PLCH1: variants seen among roughly 807,000 people sequenced by gnomAD.
PLCH1 encodes phospholipase C eta 1.
A neutral mutation model predicts 126.7 loss-of-function variants in PLCH1; 60 were observed. The observed-to-expected ratio is 0.47, with a 90% CI of 0.38 to 0.59. PLCH1 has a LOEUF of 0.59. Among genes scored for constraint, PLCH1 ranks in the 20% least tolerant of loss-of-function variants. The pLI is 0.00. For synonymous variants in PLCH1, 719 were observed against 734.9 expected (o/e 0.98, Z 0.35); for missense variants, 1,723 against 2,040.0 (o/e 0.84, Z 2.99).
At chr3:155,726,237 C>A (rs1748308013) in intron 1 of PLCH1, among the ~76,000 whole-genome samples, 1 of 152,096 alleles carries the variant, frequency 6.6e-6, no homozygotes, top group East Asian at 1.9e-4. Flanking sequence ...TTTTCTTCTA[C>A]CTCAAGTGTT....
At chr3:155,499,586 T>C (rs1030689207) in intron 14 of PLCH1, among the ~76,000 whole-genome samples, 2 of 152,236 alleles carry the variant, frequency 1.3e-5, no homozygotes, top group African/African-American at 4.8e-5. Context: ...ATATCTATTA[T>C]GGGAAAATCT....
intron 15 of PLCH1, 32 bp from the exon 16 acceptor site, chr3:155,494,549 G>A (rs1289508583): frequency 1.3e-6 from 2 of 1,543,312 alleles, no homozygotes; most frequent in East Asian, 2.2e-5. Flanking sequence ...AAAAGGAAGT[G>A]AGAACTACAG....
intron 6 of PLCH1, among the ~76,000 whole-genome samples, chr3:155,582,209 A>G (rs1730808783): frequency 6.6e-6 from 1 of 150,974 alleles, no homozygotes; most frequent in South Asian, 2.1e-4. Context: ...CAGACTCCCA[A>G]GTAGCTGAGA....
At chr3:155,572,956 C>T (rs1448396294) in intron 6 of PLCH1, among the ~76,000 whole-genome samples, 2 of 151,714 alleles carry the variant, frequency 1.3e-5, no homozygotes, top group African/African-American at 4.8e-5. Context: ...CTATGTTGCC[C>T]AGGCTGGTCT....
intron 1 of PLCH1, among the ~76,000 whole-genome samples, chr3:155,711,816 G>A (rs745449768): frequency 2.0e-5 from 3 of 151,834 alleles, no homozygotes; most frequent in African/African-American, 4.8e-5. Context: ...TTGAACTCTT[G>A]GGGGAAAAAA....
intron 2 of PLCH1, among the ~76,000 whole-genome samples, chr3:155,622,125 G>C (rs963426441): frequency 6.6e-6 from 1 of 152,154 alleles, no homozygotes; most frequent in African/African-American, 2.4e-5. Context: ...CCTAAAAAAA[G>C]AATTTTCAAT....
At chr3:155,471,589 T>C (rs1713245779) in intron 21 of PLCH1, among the ~76,000 whole-genome samples, 1 of 147,160 alleles carries the variant, frequency 6.8e-6, no homozygotes, top group Admixed American at 6.9e-5. Flanking sequence ...AATAGACATC[T>C]ACAGAACTCT....
chr3:155,580,769 T>G (rs761388220), intron 6 of PLCH1, among the ~76,000 whole-genome samples: 3 of 152,132 alleles, frequency 2.0e-5, no homozygotes, highest in Non-Finnish European at 4.4e-5. Context: ...ATAATTGTAA[T>G]AAATTTTATT....
chr3:155,634,279 G>A (rs1738453212), intron 2 of PLCH1, among the ~76,000 whole-genome samples: 1 of 152,184 alleles, frequency 6.6e-6, no homozygotes, highest in Non-Finnish European at 1.5e-5. Flanking sequence ...GCAGCGTGTT[G>A]CTCTGTTACA....
At chr3:155,696,800 A>C (rs1046596923) in intron 2 of PLCH1, among the ~76,000 whole-genome samples, 1 of 152,246 alleles carries the variant, frequency 6.6e-6, no homozygotes, top group African/African-American at 2.4e-5. Context: ...AAAACAATCA[A>C]GGGCCTTTCT....
At chr3:155,512,999 C>G (rs1458587079) in intron 12 of PLCH1, among the ~76,000 whole-genome samples, 2 of 152,194 alleles carry the variant, frequency 1.3e-5, no homozygotes, top group Non-Finnish European at 2.9e-5. Context: ...GTTCTTCCAG[C>G]CTGAAGGCAA....
chr3:155,546,142 T>C (rs1725238787), intron 10 of PLCH1, among the ~76,000 whole-genome samples: 1 of 152,162 alleles, frequency 6.6e-6, no homozygotes, highest in Admixed American at 6.5e-5. Context: ...GAAAACCCCA[T>C]TGTCTCAGCC....
intron 2 of PLCH1, among the ~76,000 whole-genome samples, chr3:155,692,294 A>G (rs2680881): frequency 0.39 from 59,014 of 152,080 alleles, 11,929 homozygotes; most frequent in East Asian, 0.52. Context: ...AAACTAGTGT[A>G]CAATTATATG....
At chr3:155,744,746 CCTGCTCA>C (rs1749865590) in intron 1 of PLCH1, 87 bp downstream of exon 1, 1 of 152,728 alleles carries the variant, frequency 6.5e-6, no homozygotes, top group African/African-American at 2.4e-5. Context: ...ACTTGGGCCA[CCTGCTCA>C]CTCGCTCATC....
intron 13 of PLCH1, among the ~76,000 whole-genome samples, chr3:155,504,122 A>G (rs1205493737): frequency 6.6e-6 from 1 of 152,028 alleles, no homozygotes. Context: ...AGCAATTTGG[A>G]TATCTTCTTT....
At chr3:155,718,894 A>C (rs1747726468) in intron 1 of PLCH1, among the ~76,000 whole-genome samples, 1 of 152,208 alleles carries the variant, frequency 6.6e-6, no homozygotes, top group Non-Finnish European at 1.5e-5. Flanking sequence ...AAATCTCACC[A>C]GAAATATATG....
chr3:155,695,559 C>T (rs963834444), intron 2 of PLCH1, among the ~76,000 whole-genome samples: 10 of 152,254 alleles, frequency 6.6e-5, no homozygotes, highest in African/African-American at 2.4e-4. Flanking sequence ...TTTTATTGAG[C>T]ACCTACTATA....
chr3:155,492,724 C>T lies in PLCH1; in HGVS notation c.2307+5G>A. The T allele has an allele frequency of 6.4e-7, 1 of 1,562,840 alleles. No individual in the cohort carries two copies. The highest frequency in any genetic ancestry group is 8.6e-7 in the Non-Finnish European group (1 of 1,158,028). On this transcript the variant is annotated splice_donor_5th_base_variant and intron_variant, in intron 18 of 22. Transcript: ENST00000460012. ...CACTTAGACACGTAGTCATAGGCAA[C>T]TTACCTCGCCTCGATCTCCAAACAT...
chr3:155,474,713 G>T (rs1319943611), intron 21 of PLCH1, among the ~76,000 whole-genome samples: 1 of 121,672 alleles, frequency 8.2e-6, no homozygotes, highest in African/African-American at 3.7e-5. Context: ...TTAAGAAAAT[G>T]TGGCACATAT....
Sources: gnomAD v4.1 joint callset for allele counts (sites outside exome capture counted in the v4.1 genomes callset) on GRCh38, gnomAD v4.1.1 for gene constraint, MANE v1.5 for transcripts, NCBI Gene and HGNC (gene_info 2026-07-23, HGNC 2026-07-21) for gene names.